TRMT9B: variants seen among roughly 807,000 people sequenced by gnomAD.
The protein encoded by TRMT9B is tRNA methyltransferase 9B (putative).
Under a neutral mutation model 11.5 loss-of-function variants are expected in TRMT9B, and 16 were observed. That is an observed-to-expected ratio of 1.39 (90% CI 0.94 to 2.11). TRMT9B has a LOEUF of 2.11. Ranked by LOEUF, TRMT9B falls within the 30% of genes most tolerant of loss-of-function variation. The pLI is 0.00. For missense variants in TRMT9B, 941 were observed against 553.8 expected (o/e 1.70, Z -7.02); for synonymous variants, 274 against 192.4 (o/e 1.42, Z -3.51).
intron 3 of TRMT9B, 135 bp downstream of exon 3, chr8:13,006,491 G>A (rs557441715): frequency 1.5e-5 from 23 of 1,508,710 alleles, no homozygotes; most frequent in Non-Finnish European, 1.7e-5. Context: ...GCACTGGGCC[G>A]TGTAGCATGA....
At chr8:12,968,654 G>A (rs763709469) in intron 1 of TRMT9B, among the ~76,000 whole-genome samples, 1 of 152,200 alleles carries the variant, frequency 6.6e-6, no homozygotes, top group Admixed American at 6.5e-5. Flanking sequence ...GGAGGAGTCA[G>A]TCCTCAGGGT....
intron 1 of TRMT9B, among the ~76,000 whole-genome samples, chr8:12,959,488 TCC>T (rs1302773926): frequency 1.6e-4 from 24 of 146,030 alleles, no homozygotes; most frequent in Non-Finnish European, 3.3e-4. Flanking sequence ...TCCTCTCCTC[TCC>T]TCTCCTCTCC....
At chr8:13,000,344 A>T (rs140746081) in intron 2 of TRMT9B, among the ~76,000 whole-genome samples, 18 of 152,354 alleles carry the variant, frequency 1.2e-4, no homozygotes, top group African/African-American at 4.1e-4. Context: ...TGTTGCTAGT[A>T]GCAGGAATTG....
intron 1 of TRMT9B, among the ~76,000 whole-genome samples, chr8:12,963,492 G>A (rs150194855): frequency 4.2e-4 from 64 of 152,214 alleles, no homozygotes; most frequent in African/African-American, 1.4e-3. Context: ...GCTCATGCCT[G>A]TAATCCTAGT....
rs1482896644 is a variant in TRMT9B, at chr8:13,027,948, A to C, written c.*5904A>C. 2 of 167,020 alleles carry C rather than the reference A, an allele frequency of 1.2e-5. No individual in the cohort carries two copies. The highest frequency in any genetic ancestry group is 2.9e-5 in the Non-Finnish European group (2 of 68,116). 10.3% of individuals were successfully genotyped at this position (167,020 alleles called of 1,614,324 possible). On this transcript the variant is annotated 3_prime_UTR_variant, in exon 5 of 5. Transcript: ENST00000524591. ...CATATCTGCAACCTCAGTTATCTAC[A>C]ACACTGAGGTGCAAACATTTAAAAA... is the stretch of plus-strand genomic sequence containing the variant.
chr8:13,003,478 A>G (rs961644909), intron 2 of TRMT9B, among the ~76,000 whole-genome samples: 4 of 152,114 alleles, frequency 2.6e-5, no homozygotes, highest in Non-Finnish European at 4.4e-5. Context: ...AATGACTAGA[A>G]TTTAGCCAGG....
chr8:12,972,332 C>T (rs1803762080), intron 1 of TRMT9B, among the ~76,000 whole-genome samples: 1 of 152,132 alleles, frequency 6.6e-6, no homozygotes, highest in African/African-American at 2.4e-5. Flanking sequence ...ACTTTGAGAG[C>T]TCAGAGGAGA....
At chr8:12,964,206 T>C (rs1021905953) in intron 1 of TRMT9B, among the ~76,000 whole-genome samples, 3 of 152,244 alleles carry the variant, frequency 2.0e-5, no homozygotes, top group East Asian at 1.9e-4. Flanking sequence ...AAATATTGTA[T>C]TGCATCTTTT....
intron 1 of TRMT9B, among the ~76,000 whole-genome samples, chr8:12,983,713 C>T (rs998151047): frequency 2.0e-5 from 3 of 152,164 alleles, no homozygotes; most frequent in Admixed American, 6.6e-5. Flanking sequence ...AATGTCTCCT[C>T]ATCCCTAGAG....
intron 2 of TRMT9B, among the ~76,000 whole-genome samples, chr8:12,992,518 C>T (rs939895641): frequency 1.3e-5 from 2 of 151,818 alleles, no homozygotes; most frequent in Non-Finnish European, 2.9e-5. Flanking sequence ...TGAAGGACAA[C>T]AAACTTAGAT....
intron 2 of TRMT9B, among the ~76,000 whole-genome samples, chr8:12,996,890 T>C (rs1210451986): frequency 1.3e-5 from 2 of 152,108 alleles, no homozygotes; most frequent in Non-Finnish European, 2.9e-5. Context: ...GCAGCCTCTA[T>C]CCCACTTCTA....
At chr8:12,956,228 C>A (rs1801291841) in intron 1 of TRMT9B, among the ~76,000 whole-genome samples, 1 of 152,100 alleles carries the variant, frequency 6.6e-6, no homozygotes, top group African/African-American at 2.4e-5. Flanking sequence ...CTGTGACAAT[C>A]CATCATGCCT....
At chr8:13,001,737 T>G (rs1051637093) in intron 2 of TRMT9B, among the ~76,000 whole-genome samples, 2 of 142,902 alleles carry the variant, frequency 1.4e-5, no homozygotes, top group Non-Finnish European at 3.2e-5. Flanking sequence ...TTTTCAAAAC[T>G]CATAGTGTGC....
chr8:13,018,200 G>A (rs1204921386), intron 4 of TRMT9B, among the ~76,000 whole-genome samples: 2 of 150,546 alleles, frequency 1.3e-5, no homozygotes, highest in African/African-American at 2.4e-5. Context: ...CCAGGAGTTC[G>A]ATACCAGCCT....
chr8:12,979,662 G>A (rs1805038498), intron 1 of TRMT9B, among the ~76,000 whole-genome samples: 1 of 152,092 alleles, frequency 6.6e-6, no homozygotes, highest in South Asian at 2.1e-4. Context: ...TAGTTAATGA[G>A]CTTTCTGCTA....
At chr8:13,010,607 A>G (rs1275443272) in intron 3 of TRMT9B, 5 of 985,222 alleles carry the variant, frequency 5.1e-6, no homozygotes, top group Non-Finnish European at 6.0e-6. Flanking sequence ...TGTCAGGAGA[A>G]AAGACCTCTG....
At chr8:12,955,734 G>A (rs564237175) in intron 1 of TRMT9B, among the ~76,000 whole-genome samples, 1 of 152,266 alleles carries the variant, frequency 6.6e-6, no homozygotes, top group South Asian at 2.1e-4. Flanking sequence ...ACTATTTCGA[G>A]CAGGAAGGGG....
intron 4 of TRMT9B, among the ~76,000 whole-genome samples, chr8:13,020,533 C>T (rs556013523): frequency 1.4e-4 from 22 of 152,286 alleles, no homozygotes; most frequent in African/African-American, 3.8e-4. Flanking sequence ...CAATCTTTAA[C>T]ATATTTCTGT....
intron 1 of TRMT9B, chr8:12,952,701 G>A (rs1474615863): frequency 7.1e-6 from 7 of 983,862 alleles, no homozygotes; most frequent in African/African-American, 1.7e-5. Context: ...GCCAAAATAG[G>A]AAGGTAAGGA....
Sources: gnomAD v4.1 joint callset for allele counts (sites outside exome capture counted in the v4.1 genomes callset) on GRCh38, gnomAD v4.1.1 for gene constraint, MANE v1.5 for transcripts, NCBI Gene and HGNC (gene_info 2026-07-23, HGNC 2026-07-21) for gene names.